ITFG2: variants seen among roughly 807,000 people sequenced by gnomAD.
ITFG2 encodes KICSTOR complex protein ITFG2.
A neutral mutation model predicts 54.4 loss-of-function variants in ITFG2; 36 were observed. The observed-to-expected ratio is 0.66, with a 90% CI of 0.51 to 0.87. The LOEUF (loss-of-function observed/expected upper bound fraction) is 0.87. Among genes scored for constraint, ITFG2 ranks in the 40% least tolerant of loss-of-function variants. The pLI, the probability that ITFG2 is intolerant of heterozygous loss-of-function variation, is 0.00. For synonymous variants in ITFG2, 211 were observed against 225.4 expected, an observed-to-expected ratio of 0.94 and a Z score of 0.57; for missense variants, 524 against 576.7, an observed-to-expected ratio of 0.91 and a Z score of 0.94.
intron 1 of ITFG2, 24 bp from the exon 2 acceptor site, chr12:2,817,199 G>A (rs373353408): frequency 2.5e-5 from 38 of 1,537,322 alleles, no homozygotes; most frequent in East Asian, 6.8e-5. Context: ...CCATCCTAAC[G>A]CTTTCTTCTC....
chr12:2,844,616 G>C (rs187361977), intron 2 of ITFG2, among the ~76,000 whole-genome samples: 2 of 152,178 alleles, frequency 1.3e-5, no homozygotes, highest in Admixed American at 6.5e-5. Context: ...GTATCTCCAA[G>C]GTGGAAATCA....
chr12:2,846,981 C>G (rs1436436481), intron 2 of ITFG2, among the ~76,000 whole-genome samples: 1 of 152,100 alleles, frequency 6.6e-6, no homozygotes, highest in Non-Finnish European at 1.5e-5. Flanking sequence ...TGTTGTGCAA[C>G]CACTACCCCT....
intron 9 of ITFG2, among the ~76,000 whole-genome samples, chr12:2,822,529 G>A (rs1397664903): frequency 6.6e-6 from 1 of 152,210 alleles, no homozygotes; most frequent in African/African-American, 2.4e-5. Context: ...TTTAGGAGAA[G>A]AGGCAGACCT....
chr12:2,844,769 C>T (rs895834589), intron 2 of ITFG2, among the ~76,000 whole-genome samples: 1 of 152,134 alleles, frequency 6.6e-6, no homozygotes, highest in African/African-American at 2.4e-5. Flanking sequence ...CCTCCCCTTC[C>T]TAGTGATACT....
chr12:2,823,849 G>A lies in ITFG2; in HGVS notation c.1146G>A (p.Trp382Ter). ...VTFNQKIYVYWEVQLERMEST... is the reference protein window; with the variant it reads ...VTFNQKIYVY ...TCAACCAGAAGATCTATGTGTACTGGGAGGTGCAGCTGGAGCGGATGGAGT... is the reference window on the plus strand; with the variant it reads ...TCAACCAGAAGATCTATGTGTACTGAGAGGTGCAGCTGGAGCGGATGGAGT... Residue 382 changes from tryptophan (W) to a stop codon, truncating the protein, a stop_gained, in exon 11 of 12, where the codon TGG (tryptophan) becomes TGA (stop). Coordinates refer to ENST00000228799, the MANE Select transcript of ITFG2 (RefSeq NM_018463.4). LOFTEE classifies it high-confidence loss of function. The A allele has an allele frequency of 2.5e-6, 4 of 1,613,030 alleles. No individual in the cohort carries two copies. The highest frequency in any genetic ancestry group is 3.4e-6 in the Non-Finnish European group (4 of 1,179,444).
chr12:2,817,826 C>T, intron 2 of ITFG2, 83 bp from the exon 3 acceptor site: 2 of 1,364,084 alleles, frequency 1.5e-6, no homozygotes, highest in Non-Finnish European at 2.0e-6. Context: ...ATTAGAAAAC[C>T]TGCCCGCTCC....
intron 1 of ITFG2, among the ~76,000 whole-genome samples, chr12:2,813,653 T>C (rs2097914644): frequency 6.6e-6 from 1 of 152,218 alleles, no homozygotes; most frequent in Non-Finnish European, 1.5e-5. Flanking sequence ...ATTTATCATC[T>C]ATTTCATAGT....
In ITFG2 at chr12:2,858,923, G is replaced by C. The variant is rs150443540; in HGVS notation, n.620+592G>C. On this transcript the variant is annotated intron_variant and non_coding_transcript_variant, in intron 3 of 3. Coordinates refer to the ITFG2 transcript ENST00000537710. Reference sequence around the variant, plus strand: ...TGAGGAGCCTTTGCGGTGATTCAAGGGGGGGAGCACTTTGCAAGGGAGTGG... The same window carrying C: ...TGAGGAGCCTTTGCGGTGATTCAAGCGGGGGAGCACTTTGCAAGGGAGTGG... The C allele has an allele frequency of 5.9e-4, 945 of 1,613,812 alleles. 11 individuals are homozygous for C. In the South Asian group the frequency reaches 6.6e-3, roughly 11 times the overall value.
At chr12:2,841,843 C>T (rs915058660) in intron 2 of ITFG2, among the ~76,000 whole-genome samples, 6 of 151,622 alleles carry the variant, frequency 4.0e-5, no homozygotes, top group Non-Finnish European at 8.8e-5. Context: ...CTCAGCCTCC[C>T]GAGTAGCTGG....
At chr12:2,853,324 G>A (rs185562279) in intron 2 of ITFG2, among the ~76,000 whole-genome samples, 62 of 152,206 alleles carry the variant, frequency 4.1e-4, no homozygotes, top group Admixed American at 3.9e-3. Flanking sequence ...CACCCAGGCT[G>A]GAGTGCAGTG....
intron 8 of ITFG2, 47 bp downstream of exon 8, chr12:2,821,643 C>G (rs2097945070): frequency 1.2e-6 from 2 of 1,613,422 alleles, no homozygotes; most frequent in African/African-American, 2.7e-5. Flanking sequence ...CCTGTAGGGT[C>G]TGCTCGGGGC....
In ITFG2 at chr12:2,846,128, C is replaced by T. The variant is rs570192448; in HGVS notation, n.300+5133C>T. Reference sequence around the variant, plus strand: ...GAAGCCTTACTTCTGTGTCTCTGGCCGATGAACAAGAGAGCCTGGATACTG... The same window carrying T: ...GAAGCCTTACTTCTGTGTCTCTGGCTGATGAACAAGAGAGCCTGGATACTG... On this transcript the variant is annotated intron_variant and non_coding_transcript_variant, in intron 2 of 3. Transcript: ENST00000537710. Among the ~76,000 whole-genome samples, 11 of 152,268 alleles carry T rather than the reference C, an allele frequency of 7.2e-5. No individual in the cohort carries two copies. The South Asian group carries it at 2.3e-3, about 32-fold the overall frequency.
chr12:2,858,825 G>A, intron 3 of ITFG2: 1 of 1,614,232 alleles, frequency 6.2e-7, no homozygotes, highest in South Asian at 1.1e-5. Context: ...CGGGGAGCCT[G>A]GCTTGGGGAC....
At position 2,822,845 on chromosome 12, in the gene ITFG2, A is replaced by G. The variant is rs745411079; in HGVS notation, c.1000A>G (p.Ile334Val). 2 of 1,614,142 alleles carry G rather than the reference A, an allele frequency of 1.2e-6. No individual in the cohort carries two copies. The highest frequency in any genetic ancestry group is 1.6e-4 in the Middle Eastern group (1 of 6,062). The change falls in exon 10 of 12, where the codon ATC (isoleucine) becomes GTC (valine). Residue 334 changes from isoleucine to valine, a missense_variant. Transcript: ENST00000228799. ...VACAWDGQTY[I>V]IDHNRTVVRF... is the part of the protein sequence containing the mutation. ...ATGCGCCTGGGATGGACAGACATAT[A>G]TCATTGATCACAACCGCACCGTCGT...
At chr12:2,827,356 C>T, downstream of ITFG2, 1 of 1,567,496 alleles carries the variant, frequency 6.4e-7, no homozygotes, top group Non-Finnish European at 8.6e-7. The surrounding 1 kb of genome is among the most constrained non-coding windows in gnomAD (Gnocchi z 4.0). Flanking sequence ...TGCCTCCCGG[C>T]CTGCTCCTTT....
Position 2,820,114 on chromosome 12 carries a change from G to A in ITFG2, c.435G>A (p.Val145=), listed in dbSNP as rs919556987. 6.2e-7 allele frequency: 1 copy of A among 1,613,450 alleles called. No homozygotes were observed. The highest frequency in any genetic ancestry group is 8.5e-7 in the Non-Finnish European group (1 of 1,179,672). ...GAGATGGGTGTCGTGAGCTGGTGGT[G>A]GGCTACACAGACCGTGTGGTGCGAG... ...IDGDGCRELV[V]GYTDRVVRAF... Residue 145 remains valine (V), a synonymous_variant, in exon 5 of 12, where the codon GTG becomes GTA. Transcript: ENST00000228799.
At chr12:2,838,584 C>T (rs186575316) in intron 1 of ITFG2, among the ~76,000 whole-genome samples, 81 of 152,270 alleles carry the variant, frequency 5.3e-4, no homozygotes, top group African/African-American at 1.8e-3. Context: ...TCCTTTGTTG[C>T]CTGGCCCTGG....
At chr12:2,821,931 CTTTTTTT>C (rs375280127) in intron 9 of ITFG2, 139 bp downstream of exon 9, 1 of 417,936 alleles carries the variant, frequency 2.4e-6, no homozygotes, top group South Asian at 3.2e-5. Context: ...TTTTTTTTTC[CTTTTTTT>C]TTTTTTTGAG....
intron 1 of ITFG2, among the ~76,000 whole-genome samples, chr12:2,839,596 G>A (rs771274055): frequency 2.6e-5 from 4 of 152,126 alleles, no homozygotes; most frequent in Non-Finnish European, 5.9e-5. Flanking sequence ...GTTATTGAGC[G>A]CCTACTATGT....
Sources: allele counts gnomAD v4.1 joint callset (sites outside exome capture counted in the v4.1 genomes callset), GRCh38; gene constraint gnomAD v4.1.1; non-coding constraint Gnocchi (gnomAD v3.1); transcripts MANE v1.5; gene names NCBI Gene and HGNC (gene_info 2026-07-23, HGNC 2026-07-21).